Variants in TANC2 observed in about 807,000 individuals in gnomAD.
TANC2 encodes the protein tetratricopeptide repeat, ankyrin repeat and coiled-coil containing 2.
In TANC2, 26 loss-of-function variants were observed where a neutral mutation model predicts 210.5. That is an observed-to-expected ratio of 0.12 (90% confidence interval 0.09 to 0.17). The LOEUF (loss-of-function observed/expected upper bound fraction) is 0.17, where lower values mean the gene tolerates loss of function less well. Among genes scored for constraint, TANC2 ranks in the 10% least tolerant of loss-of-function variants. The pLI, the probability that TANC2 is intolerant of heterozygous loss-of-function variation, is 1.00. For missense variants in TANC2, 2,129 were observed against 2,608.9 expected, an observed-to-expected ratio of 0.82 and a Z score of 4.01; for synonymous variants, 931 against 967.1, an observed-to-expected ratio of 0.96 and a Z score of 0.69.
At chr17:63,092,364 T>G (rs948385875) in intron 3 of TANC2, among the ~76,000 whole-genome samples, 1 of 152,110 alleles carries the variant, frequency 6.6e-6, no homozygotes, top group African/African-American at 2.4e-5. Context: ...TTCATTCTTG[T>G]CAGCACTCGG....
chr17:63,274,789 G>A (rs2043822222), intron 9 of TANC2, among the ~76,000 whole-genome samples: 1 of 152,112 alleles, frequency 6.6e-6, no homozygotes, highest in Middle Eastern at 3.2e-3. Context: ...CTACACTCCA[G>A]CCTGGGCAAC....
chr17:63,312,790 A>C (rs2045172398), intron 9 of TANC2, among the ~76,000 whole-genome samples: 1 of 152,210 alleles, frequency 6.6e-6, no homozygotes, highest in South Asian at 2.1e-4. Flanking sequence ...GGGAATTATA[A>C]GTGACCCTGT....
chr17:63,015,527 C>G (rs2034069439), intron 2 of TANC2, among the ~76,000 whole-genome samples: 1 of 151,538 alleles, frequency 6.6e-6, no homozygotes, highest in Non-Finnish European at 1.5e-5. Flanking sequence ...TCCATGTGTT[C>G]TCATTGTTCA....
At chr17:63,237,533 T>G (rs1277576831) in intron 7 of TANC2, among the ~76,000 whole-genome samples, 2 of 152,168 alleles carry the variant, frequency 1.3e-5, no homozygotes, top group Admixed American at 1.3e-4. Flanking sequence ...ATAATTTCTT[T>G]ACCTAAACCA....
At chr17:63,190,940 C>A (rs1434142461) in intron 5 of TANC2, among the ~76,000 whole-genome samples, 1 of 152,104 alleles carries the variant, frequency 6.6e-6, no homozygotes, top group Non-Finnish European at 1.5e-5. Flanking sequence ...ACCACTATTT[C>A]CATTAAATCC....
intron 8 of TANC2, among the ~76,000 whole-genome samples, chr17:63,241,851 T>C (rs2042783138): frequency 6.6e-6 from 1 of 152,200 alleles, no homozygotes. Flanking sequence ...AGGACATTGT[T>C]ACTCAGCTAT....
intron 4 of TANC2, among the ~76,000 whole-genome samples, chr17:63,136,298 A>G (rs1416762222): frequency 6.6e-6 from 1 of 152,210 alleles, no homozygotes; most frequent in South Asian, 2.1e-4. Context: ...TTCTATCTGT[A>G]TATCAATGTG....
intron 8 of TANC2, among the ~76,000 whole-genome samples, chr17:63,238,825 A>C (rs989576902): frequency 1.3e-5 from 2 of 152,206 alleles, no homozygotes; most frequent in Non-Finnish European, 2.9e-5. Context: ...TACCTGCTTC[A>C]CAAGGCAGCA....
At chr17:63,410,411 T>C (rs1348438860) in intron 21 of TANC2, among the ~76,000 whole-genome samples, 2 of 150,164 alleles carry the variant, frequency 1.3e-5, no homozygotes, top group African/African-American at 4.9e-5. Flanking sequence ...CTTTATTAGA[T>C]TAAACTCTAG....
At chr17:63,201,686 A>G (rs992894550) in intron 7 of TANC2, among the ~76,000 whole-genome samples, 1 of 150,594 alleles carries the variant, frequency 6.6e-6, no homozygotes, top group Non-Finnish European at 1.5e-5. Flanking sequence ...TTTCTAAATA[A>G]TCTTCAACCC....
intron 5 of TANC2, among the ~76,000 whole-genome samples, chr17:63,164,201 C>G (rs555182318): frequency 1.7e-4 from 24 of 138,430 alleles, no homozygotes; most frequent in African/African-American, 4.9e-4. Flanking sequence ...GTGGTGTGAT[C>G]ATAGCTCACT....
intron 11 of TANC2, among the ~76,000 whole-genome samples, chr17:63,328,006 T>C (rs908340460): frequency 2.0e-5 from 3 of 152,174 alleles, no homozygotes; most frequent in African/African-American, 7.2e-5. Context: ...TTCCCACCTA[T>C]GAGTGAGAAC....
At chr17:63,404,255 T>C (rs1018186130) in intron 19 of TANC2, among the ~76,000 whole-genome samples, 4 of 152,150 alleles carry the variant, frequency 2.6e-5, no homozygotes, top group Non-Finnish European at 4.4e-5. Flanking sequence ...ATGAAACAAA[T>C]ACATATTTGT....
At chr17:63,180,327 C>CT (rs1220762452) in intron 5 of TANC2, among the ~76,000 whole-genome samples, 2 of 152,256 alleles carry the variant, frequency 1.3e-5, no homozygotes, top group African/African-American at 2.4e-5. Flanking sequence ...AAAGACTAAT[C>CT]TTTTTTATCA....
chr17:63,276,572 T>C (rs1256109228), intron 9 of TANC2, among the ~76,000 whole-genome samples: 2 of 151,996 alleles, frequency 1.3e-5, no homozygotes, highest in African/African-American at 4.8e-5. Flanking sequence ...GACTGCAGAT[T>C]TTTCTCAACA....
chr17:63,306,927 A>G (rs377579842), intron 9 of TANC2, among the ~76,000 whole-genome samples: 2 of 152,182 alleles, frequency 1.3e-5, no homozygotes, highest in East Asian at 1.9e-4. Flanking sequence ...AGCCTGTGCA[A>G]CAGAACAAGA....
At chr17:63,185,076 C>A (rs1040333454) in intron 5 of TANC2, among the ~76,000 whole-genome samples, 1 of 151,546 alleles carries the variant, frequency 6.6e-6, no homozygotes, top group Non-Finnish European at 1.5e-5. Flanking sequence ...TTCATTGCAA[C>A]CTTGAACTCC....
intron 3 of TANC2, among the ~76,000 whole-genome samples, chr17:63,093,248 T>G (rs1210380596): frequency 6.6e-6 from 1 of 151,950 alleles, no homozygotes; most frequent in East Asian, 1.9e-4. Flanking sequence ...TATAGTTTTT[T>G]TTTTTAACAT....
intron 5 of TANC2, among the ~76,000 whole-genome samples, chr17:63,175,184 AATAATAAAGTT>A (rs2040533017): frequency 2.0e-5 from 3 of 152,224 alleles, no homozygotes; most frequent in Admixed American, 2.0e-4. Flanking sequence ...TTTACAAAAG[AATAATAAAGTT>A]AAAGGACTTA....
Sources: gnomAD v4.1 joint callset for allele counts (sites outside exome capture counted in the v4.1 genomes callset) on GRCh38, gnomAD v4.1.1 for gene constraint, MANE v1.5 for transcripts, NCBI Gene and HGNC (gene_info 2026-07-23, HGNC 2026-07-21) for gene names.